SEC14L1: variants seen among roughly 807,000 people sequenced by gnomAD.
SEC14L1 encodes the protein SEC14 like lipid binding 1, also known as SEC14-like protein 1.
A neutral mutation model predicts 85.3 loss-of-function variants in SEC14L1; 48 were observed. The ratio of observed to expected loss-of-function variants is 0.56; its 90% CI spans 0.45 to 0.72. The LOEUF (loss-of-function observed/expected upper bound fraction) is 0.72. Ranked by LOEUF, SEC14L1 falls within the 30% of genes least tolerant of loss-of-function variation. The pLI, the probability that SEC14L1 is intolerant of heterozygous loss-of-function variation, is 0.00. For synonymous variants in SEC14L1, 391 were observed against 355.5 expected, an observed-to-expected ratio of 1.10 and a Z score of -1.12; for missense variants, 682 against 921.4, an observed-to-expected ratio of 0.74 and a Z score of 3.36.
chr17:77,162,562 G>T (rs1470001551), intron 3 of SEC14L1, among the ~76,000 whole-genome samples: 2 of 152,014 alleles, frequency 1.3e-5, no homozygotes, highest in Non-Finnish European at 2.9e-5. Context: ...ACCAGGTGCG[G>T]TGGCTCACAC....
At chr17:77,112,284 GTC>G (rs1972065309) in intron 3 of SEC14L1, among the ~76,000 whole-genome samples, 1 of 152,102 alleles carries the variant, frequency 6.6e-6, no homozygotes, top group African/African-American at 2.4e-5. Context: ...CCAGTCTCGG[GTC>G]TCTCTTCATA....
At chr17:77,170,277 A>G (rs934394258) in intron 3 of SEC14L1, among the ~76,000 whole-genome samples, 1 of 152,170 alleles carries the variant, frequency 6.6e-6, no homozygotes, top group Non-Finnish European at 1.5e-5. Flanking sequence ...ACGGCAGTCC[A>G]TGACTCTGGA....
chr17:77,194,538 C>T (rs1387716249), intron 6 of SEC14L1, 139 bp from the exon 7 acceptor site: 36 of 656,490 alleles, frequency 5.5e-5, no homozygotes, highest in South Asian at 6.0e-5. Context: ...GGCCACAAAG[C>T]GAGACCCTGT....
intron 3 of SEC14L1, among the ~76,000 whole-genome samples, chr17:77,164,007 T>C (rs998550655): frequency 7.2e-5 from 11 of 152,230 alleles, no homozygotes; most frequent in East Asian, 1.9e-4. Flanking sequence ...AAAGAACATA[T>C]AACAGGTCTA....
chr17:77,183,103 A>G (rs548895345), intron 3 of SEC14L1, among the ~76,000 whole-genome samples: 1 of 151,928 alleles, frequency 6.6e-6, no homozygotes, highest in East Asian at 1.9e-4. Flanking sequence ...AAAAGACAAT[A>G]AAAACTGTAG....
Position 77,211,997 on chromosome 17 carries a change from C to T in SEC14L1, c.1659C>T (p.Phe553=), listed in dbSNP as rs145965497. Residue 553 remains phenylalanine, a synonymous_variant, in exon 15 of 17, where the codon TTC becomes TTT. Coordinates refer to ENST00000436233, the MANE Select transcript of SEC14L1 (RefSeq NM_001143998.2). ...VDASSVITWD[F]DVCKGDIVFN... ...CCTCGTCAGTCATCACTTGGGATTT[C>T]GACGTGTGCAAAGGGGACATTGTGT... 2.8e-5 allele frequency: 46 copies of T among 1,614,044 alleles called. No individual in the cohort carries two copies. Among genetic ancestry groups the T allele is most frequent in the African/African-American group, 5.3e-5 (4 of 75,000 alleles).
chr17:77,184,822 A>G (rs1567916322), intron 3 of SEC14L1, among the ~76,000 whole-genome samples: 1 of 152,222 alleles, frequency 6.6e-6, no homozygotes, highest in South Asian at 2.1e-4. Flanking sequence ...GATGTTTTTA[A>G]TCAAATTAGA....
intron 3 of SEC14L1, among the ~76,000 whole-genome samples, chr17:77,163,415 A>G (rs1024011274): frequency 9.6e-3 from 184 of 19,158 alleles, no homozygotes; most frequent in African/African-American, 0.027. Flanking sequence ...GCCAGCTCCC[A>G]AAAACTTCAC....
intron 3 of SEC14L1, chr17:77,185,301 G>A: frequency 1.0e-6 from 1 of 985,474 alleles, no homozygotes; most frequent in South Asian, 4.7e-5. Context: ...CGCTGACAGA[G>A]CTCTGGAGAG....
rs553744288 is a variant in SEC14L1 at position 77,189,230 on chromosome 17, T to A, written c.64-1573T>A. On this transcript the variant is annotated intron_variant, in intron 3 of 16. Coordinates refer to ENST00000436233, the MANE Select transcript of SEC14L1 (RefSeq NM_001143998.2). ...GCTGGCTTTGTAGACAGAAAAGGGG[T>A]GAGGGAAACAGACACAGAGAACAGA... 6.6e-5 allele frequency among the ~76,000 whole-genome samples: 10 copies of A among 151,914 alleles called. No individual in the cohort carries two copies. In the South Asian group the frequency reaches 2.1e-3, roughly 32 times the overall value.
upstream of SEC14L1, chr17:77,140,929 C>G (rs1972975291): frequency 6.6e-6 from 1 of 151,488 alleles, no homozygotes; most frequent in South Asian, 2.1e-4. Context: ...CCCCGTCACC[C>G]GTAACAACCA....
chr17:77,119,586 C>T (rs1457149884), intron 3 of SEC14L1, among the ~76,000 whole-genome samples: 4 of 152,118 alleles, frequency 2.6e-5, no homozygotes, highest in African/African-American at 9.7e-5. Context: ...TTATTTTATC[C>T]ACCTACAGGA....
chr17:77,185,450 T>G, intron 3 of SEC14L1: 13 of 929,470 alleles, frequency 1.4e-5, no homozygotes, highest in Non-Finnish European at 1.7e-5. Context: ...AGGGAACGTT[T>G]TTAGTGTGGT....
In SEC14L1 at chr17:77,214,801, T is replaced by A. The variant is rs113375863; in HGVS notation, c.*778T>A. ...GGGGGGTTCTTCCCGTTTCCTTCCG[T>A]GCGTCGCCCCTCTCACCTGCAGTCA... On this transcript the variant is annotated 3_prime_UTR_variant, in exon 17 of 17. Transcript: ENST00000436233. 3,121 of 985,516 alleles carry A rather than the reference T, an allele frequency of 3.2e-3. 6 individuals carry two copies. Among genetic ancestry groups the A allele is most frequent in the Non-Finnish European group, 3.6e-3 (2,997 of 830,014 alleles). The allele number at this position is 985,516 out of a possible 1,614,324, so 61.0% of individuals were successfully genotyped here.
At chr17:77,196,647 T>A (rs1975820317) in intron 8 of SEC14L1, among the ~76,000 whole-genome samples, 1 of 152,228 alleles carries the variant, frequency 6.6e-6, no homozygotes, top group Admixed American at 6.5e-5. Context: ...TTAGAAATGT[T>A]TGAGCTTTAA....
chr17:77,146,726 A>G lies in SEC14L1; in HGVS notation c.63+3067A>G, dbSNP rs187096210. On this transcript the variant is annotated intron_variant, in intron 3 of 16. Coordinates refer to ENST00000436233, the MANE Select transcript of SEC14L1 (RefSeq NM_001143998.2). ...AACAAACAAACAAACACACAGACGC[A>G]CACACACGCACGTATATTCTTCCAC... Among the ~76,000 whole-genome samples the G allele has an allele frequency of 2.4e-3, 372 of 152,172 alleles. 2 individuals are homozygous for G. Among genetic ancestry groups the G allele is most frequent in the Admixed American group, 4.6e-3 (70 of 15,286 alleles).
chr17:77,165,933 G>A (rs551343904), intron 3 of SEC14L1, among the ~76,000 whole-genome samples: 1 of 152,178 alleles, frequency 6.6e-6, no homozygotes, highest in Non-Finnish European at 1.5e-5. Context: ...AAATGAAAAT[G>A]TTTAGTGTTT....
chr17:77,141,355 C>G (rs1345344739), intron 1 of SEC14L1: 1 of 141,612 alleles, frequency 7.1e-6, no homozygotes, highest in Non-Finnish European at 1.6e-5. Flanking sequence ...CCCACCCCCA[C>G]CTCGCCAGGC....
chr17:77,202,937 A>AT, intron 9 of SEC14L1, among the ~76,000 whole-genome samples: 2 of 41,988 alleles, frequency 4.8e-5, no homozygotes, highest in South Asian at 1.0e-3. Flanking sequence ...ATAAAAAAAT[A>AT]AAAAAAAAAA....
Sources: allele counts gnomAD v4.1 joint callset (sites outside exome capture counted in the v4.1 genomes callset), GRCh38; gene constraint gnomAD v4.1.1; transcripts MANE v1.5; gene names NCBI Gene and HGNC (gene_info 2026-07-23, HGNC 2026-07-21).